Variants in CLASP1 observed in about 807,000 individuals in gnomAD.
CLASP1 encodes CLIP-associating protein 1.
A neutral mutation model predicts 192.3 loss-of-function variants in CLASP1; 38 were observed. The observed-to-expected ratio is 0.20, with a 90% CI of 0.15 to 0.26. CLASP1 has a LOEUF of 0.26. Ranked by LOEUF, CLASP1 falls within the 10% of genes least tolerant of loss-of-function variation. The pLI is 1.00. For missense variants in CLASP1, 1,433 were observed against 1,932.5 expected (o/e 0.74, Z 4.85); for synonymous variants, 691 against 712.8 (o/e 0.97, Z 0.49).
rs115962776 is a variant in CLASP1 at position 121,504,368 on chromosome 2, C to T, written c.645-1134G>A. Among the ~76,000 whole-genome samples the T allele has an allele frequency of 4.9e-3, 749 of 152,316 alleles. 9 individuals carry two copies. Among genetic ancestry groups the T allele is most frequent in the African/African-American group, 0.017 (726 of 41,564 alleles). ...CTTTTTAACACACCATCCTATCCTG[C>T]CAGCTCTCATCATTTCAAATATGTT... On this transcript the variant is annotated intron_variant, in intron 7 of 39. Transcript: ENST00000263710.
chr2:121,338,530 CGGCAA>C (rs1323588457), exon 40 of CLASP1: 1 of 152,684 alleles, frequency 6.5e-6, no homozygotes, highest in Admixed American at 6.5e-5. Flanking sequence ...AGGGAGGCGG[CGGCAA>C]GGCAAGGCAG....
intron 2 of CLASP1, among the ~76,000 whole-genome samples, chr2:121,554,613 C>T (rs1350168897): frequency 1.3e-5 from 2 of 151,724 alleles, no homozygotes; most frequent in African/African-American, 4.8e-5. Context: ...CTGACCTTGT[C>T]TTAAAAAAAA....
chr2:121,489,555 A>G (rs1364444562), intron 8 of CLASP1, among the ~76,000 whole-genome samples: 2 of 152,236 alleles, frequency 1.3e-5, no homozygotes, highest in Non-Finnish European at 2.9e-5. Flanking sequence ...CAAAACCACT[A>G]GGAAAGCAAG....
At chr2:121,430,320 C>T in intron 19 of CLASP1, 143 bp from the exon 20 acceptor site, 1 of 626,238 alleles carries the variant, frequency 1.6e-6, no homozygotes, top group East Asian at 2.7e-5. Flanking sequence ...ATCCTCCACA[C>T]GAGGTCTGCC....
At chr2:121,558,559 T>A (rs2058785718) in intron 2 of CLASP1, among the ~76,000 whole-genome samples, 1 of 152,172 alleles carries the variant, frequency 6.6e-6, no homozygotes, top group Non-Finnish European at 1.5e-5. Context: ...AAGAGAAACC[T>A]GAGCTAAAGC....
chr2:121,637,306 C>T (rs1424386730), intron 1 of CLASP1, among the ~76,000 whole-genome samples: 1 of 151,674 alleles, frequency 6.6e-6, no homozygotes, highest in Admixed American at 6.6e-5. Context: ...GTCAAAAACC[C>T]AAAGCAAACT....
rs181196397 is a variant in CLASP1, at chr2:121,385,841, C to T, written c.3374+1281G>A. 4.9e-3 allele frequency among the ~76,000 whole-genome samples: 739 copies of T among 152,266 alleles called. 6 individuals are homozygous for T. The highest frequency in any genetic ancestry group is 5.5e-3 in the Non-Finnish European group (375 of 68,030). ...TTATGATTTTACTGTCACCACTGTA[C>T]CATCATATTCAAAAGTCAAGCATAT... On this transcript the variant is annotated intron_variant, in intron 32 of 39. Transcript: ENST00000263710.
intron 6 of CLASP1, among the ~76,000 whole-genome samples, chr2:121,524,359 T>TA (rs2094525163): frequency 6.6e-6 from 1 of 152,094 alleles, no homozygotes. Context: ...AGAATCTTTT[T>TA]AAAAAATAGT....
At chr2:121,557,636 G>A (rs1258631547) in intron 2 of CLASP1, among the ~76,000 whole-genome samples, 3 of 151,578 alleles carry the variant, frequency 2.0e-5, no homozygotes, top group Non-Finnish European at 4.4e-5. Flanking sequence ...GGAAAGAACA[G>A]AATCAACCAT....
intron 2 of CLASP1, among the ~76,000 whole-genome samples, chr2:121,600,495 G>C (rs996437891): frequency 2.0e-5 from 3 of 152,168 alleles, no homozygotes; most frequent in African/African-American, 7.2e-5. Flanking sequence ...TTCACCAAGA[G>C]TCAAGTCTTA....
chr2:121,531,701 C>T (rs2094893049), intron 2 of CLASP1, among the ~76,000 whole-genome samples: 2 of 151,816 alleles, frequency 1.3e-5, no homozygotes, highest in South Asian at 4.2e-4. Flanking sequence ...AACCCCGTCT[C>T]TACTAAAAAT....
At position 121,367,526 on chromosome 2, in the gene CLASP1, G is replaced by A. The variant is rs573678385; in HGVS notation, c.3886+62C>T. On this transcript the variant is annotated intron_variant, in intron 35 of 39. Transcript: ENST00000263710. Reference sequence around the variant, plus strand: ...TGACCAGTGGGCCTGGTGCTGGCCAGACGGGAGGGAGCACAAGGGAAGCAC... The same window carrying A: ...TGACCAGTGGGCCTGGTGCTGGCCAAACGGGAGGGAGCACAAGGGAAGCAC... 25 of 1,604,720 alleles carry A rather than the reference G, an allele frequency of 1.6e-5. 1 individual carries two copies. In the South Asian group the frequency reaches 2.2e-4, roughly 14 times the overall value.
At chr2:121,395,650 A>T (rs1028921259) in intron 30 of CLASP1, among the ~76,000 whole-genome samples, 7 of 152,236 alleles carry the variant, frequency 4.6e-5, no homozygotes, top group African/African-American at 7.2e-5. Context: ...TCTGAGGATG[A>T]ATCTTATCTT....
At chr2:121,450,840 A>T in intron 16 of CLASP1, 73 bp downstream of exon 16, 1 of 1,116,476 alleles carries the variant, frequency 9.0e-7, no homozygotes, top group South Asian at 1.4e-5. Context: ...TAAGTTTTTA[A>T]TAAGGCAATC....
At chr2:121,515,783 C>G in intron 6 of CLASP1, 21 bp from the exon 7 acceptor site, 1 of 1,599,442 alleles carries the variant, frequency 6.3e-7, no homozygotes, top group Non-Finnish European at 8.6e-7. Flanking sequence ...AAGAAGAGAT[C>G]TTACAGCTGC....
At chr2:121,544,347 C>A (rs2095289333) in intron 2 of CLASP1, among the ~76,000 whole-genome samples, 1 of 151,788 alleles carries the variant, frequency 6.6e-6, no homozygotes, top group Non-Finnish European at 1.5e-5. Flanking sequence ...TAATCTCCTT[C>A]CACTGATTTT....
chr2:121,601,803 C>A (rs552183866), intron 2 of CLASP1, among the ~76,000 whole-genome samples: 1 of 152,218 alleles, frequency 6.6e-6, no homozygotes, highest in African/African-American at 2.4e-5. Context: ...GAAATCGGTA[C>A]GGTTACAGGA....
chr2:121,559,654 CA>C (rs1230576848), intron 2 of CLASP1, among the ~76,000 whole-genome samples: 30 of 151,842 alleles, frequency 2.0e-4, no homozygotes, highest in Admixed American at 3.3e-4. Flanking sequence ...AATCCAAAGA[CA>C]GCAAGTTGAT....
intron 37 of CLASP1, among the ~76,000 whole-genome samples, chr2:121,351,114 C>T (rs2064302101): frequency 6.6e-6 from 1 of 152,186 alleles, no homozygotes; most frequent in South Asian, 2.1e-4. Context: ...AACCCCACCC[C>T]AGCATACGGG....
Sources: allele counts gnomAD v4.1 joint callset (sites outside exome capture counted in the v4.1 genomes callset), GRCh38; gene constraint gnomAD v4.1.1; transcripts MANE v1.5; gene names NCBI Gene and HGNC (gene_info 2026-07-23, HGNC 2026-07-21).